The following TMEM132C variants were observed in gnomAD, a reference collection of about 807,000 sequenced individuals.
TMEM132C encodes the protein protein phosphatase 1, regulatory subunit 152.
In TMEM132C, 29 loss-of-function variants were observed where a neutral mutation model predicts 61.4. The ratio of observed to expected loss-of-function variants is 0.47; its 90% CI spans 0.35 to 0.64. The LOEUF is 0.64. Ranked by LOEUF, TMEM132C falls within the 30% of genes least tolerant of loss-of-function variation. TMEM132C has a pLI of 0.00. For missense variants in TMEM132C, 1,408 were observed against 1,476.9 expected, an observed-to-expected ratio of 0.95 and a Z score of 0.76; for synonymous variants, 656 against 633.1, an observed-to-expected ratio of 1.04 and a Z score of -0.54.
At chr12:128,604,944 AATAG>A (rs1436882342) in intron 3 of TMEM132C, among the ~76,000 whole-genome samples, 1 of 151,300 alleles carries the variant, frequency 6.6e-6, no homozygotes, top group East Asian at 1.9e-4. Flanking sequence ...ATAGATAATA[AATAG>A]ATGGATAGAT....
At chr12:128,317,808 C>G (rs931713402) in intron 1 of TMEM132C, among the ~76,000 whole-genome samples, 1 of 152,188 alleles carries the variant, frequency 6.6e-6, no homozygotes, top group East Asian at 1.9e-4. Context: ...CGGCTTGAAC[C>G]TGGGAGGCAG....
intron 1 of TMEM132C, among the ~76,000 whole-genome samples, chr12:128,290,125 A>G (rs1871205603): frequency 6.6e-6 from 1 of 152,190 alleles, no homozygotes; most frequent in Non-Finnish European, 1.5e-5. Context: ...ATTTCCTACC[A>G]TATAAAACCC....
intron 4 of TMEM132C, among the ~76,000 whole-genome samples, chr12:128,625,823 C>T (rs561856317): frequency 1.1e-4 from 17 of 152,286 alleles, no homozygotes; most frequent in African/African-American, 4.1e-4. Context: ...ACCTTATCAC[C>T]TCCCAAAGGC....
intron 5 of TMEM132C, among the ~76,000 whole-genome samples, chr12:128,687,762 C>A (rs897411421): frequency 6.6e-6 from 1 of 152,198 alleles, no homozygotes; most frequent in Non-Finnish European, 1.5e-5. Flanking sequence ...CATTTTCCAA[C>A]AATAGCCCTA....
intron 2 of TMEM132C, among the ~76,000 whole-genome samples, chr12:128,527,703 A>ATGTGTGTGTGTGTG (rs1186342541): frequency 2.3e-4 from 15 of 64,302 alleles, no homozygotes; most frequent in African/African-American, 9.8e-4. Flanking sequence ...GTGAATGTGC[A>ATGTGTGTGTGTGTG]TGTATGTGTG....
At chr12:128,578,416 C>A (rs1783267305) in intron 3 of TMEM132C, among the ~76,000 whole-genome samples, 1 of 152,174 alleles carries the variant, frequency 6.6e-6, no homozygotes, top group African/African-American at 2.4e-5. Flanking sequence ...CCCAGCTTTG[C>A]TTTTTCTGTT....
chr12:128,599,877 G>T (rs1428892273), intron 3 of TMEM132C, among the ~76,000 whole-genome samples: 1 of 152,208 alleles, frequency 6.6e-6, no homozygotes, highest in African/African-American at 2.4e-5. Context: ...TCATAGGAAG[G>T]ACCTGGTGGG....
At chr12:128,506,160 G>A (rs377418593) in intron 2 of TMEM132C, among the ~76,000 whole-genome samples, 133 of 152,226 alleles carry the variant, frequency 8.7e-4, no homozygotes, top group Middle Eastern at 3.4e-3. Context: ...ACCCATGGTC[G>A]GCAGCTAGCA....
intron 1 of TMEM132C, among the ~76,000 whole-genome samples, chr12:128,271,114 C>T (rs918212282): frequency 2.6e-5 from 4 of 151,768 alleles, no homozygotes; most frequent in Admixed American, 1.3e-4. Flanking sequence ...ATTAGCTGGG[C>T]GTGGTGGCGG....
chr12:128,314,316 T>C (rs1199425196), intron 1 of TMEM132C, among the ~76,000 whole-genome samples: 2 of 150,816 alleles, frequency 1.3e-5, no homozygotes, highest in Non-Finnish European at 1.5e-5. Context: ...CAATCTTTAA[T>C]TGGGGAAGGC....
intron 3 of TMEM132C, among the ~76,000 whole-genome samples, chr12:128,556,638 A>G (rs1469097465): frequency 6.6e-6 from 1 of 152,164 alleles, no homozygotes; most frequent in Non-Finnish European, 1.5e-5. Flanking sequence ...TGGTTGACTC[A>G]TAGTGCTGAG....
chr12:128,323,496 C>G (rs1872403111), intron 1 of TMEM132C, among the ~76,000 whole-genome samples: 3 of 152,234 alleles, frequency 2.0e-5, no homozygotes, highest in Admixed American at 6.5e-5. Flanking sequence ...GGGGGACCAG[C>G]TGTCCTTTAT....
chr12:128,648,860 G>C (rs1954238370), intron 4 of TMEM132C, among the ~76,000 whole-genome samples: 1 of 141,736 alleles, frequency 7.1e-6, no homozygotes, highest in Admixed American at 6.8e-5. Flanking sequence ...ATCAGCATTG[G>C]ATGAGTGTGT....
At chr12:128,333,243 G>A (rs1214650979) in intron 1 of TMEM132C, among the ~76,000 whole-genome samples, 2 of 151,122 alleles carry the variant, frequency 1.3e-5, no homozygotes, top group African/African-American at 4.9e-5. Context: ...ATGTGACTGT[G>A]ACCATATGCG....
chr12:128,584,132 G>A (rs1457069435), intron 3 of TMEM132C, among the ~76,000 whole-genome samples: 1 of 152,200 alleles, frequency 6.6e-6, no homozygotes, highest in African/African-American at 2.4e-5. Flanking sequence ...CTTCTTGCTG[G>A]CATTGGAGAT....
At chr12:128,660,455 A>C (rs955539288) in intron 4 of TMEM132C, among the ~76,000 whole-genome samples, 7 of 152,228 alleles carry the variant, frequency 4.6e-5, no homozygotes, top group Non-Finnish European at 2.9e-5. Flanking sequence ...GCGGCCAACT[A>C]GTTTAACCTG....
chr12:128,684,064 G>A (rs546702052), intron 5 of TMEM132C, among the ~76,000 whole-genome samples: 42 of 152,012 alleles, frequency 2.8e-4, no homozygotes, highest in Admixed American at 9.2e-4. Context: ...CCATATCTCC[G>A]GCCTAAACGT....
chr12:128,468,211 G>A (rs957994491), intron 2 of TMEM132C, among the ~76,000 whole-genome samples: 1 of 152,188 alleles, frequency 6.6e-6, no homozygotes, highest in Non-Finnish European at 1.5e-5. Flanking sequence ...GATGATGGGA[G>A]TTAGAAGCGT....
chr12:128,625,861 G>T (rs1475381887), intron 4 of TMEM132C, among the ~76,000 whole-genome samples: 2 of 152,146 alleles, frequency 1.3e-5, no homozygotes, highest in Non-Finnish European at 2.9e-5. Flanking sequence ...CACCTTGGGG[G>T]TTGGCATTTC....
Sources: allele counts gnomAD v4.1 joint callset (sites outside exome capture counted in the v4.1 genomes callset), GRCh38; gene constraint gnomAD v4.1.1; transcripts MANE v1.5; gene names NCBI Gene and HGNC (gene_info 2026-07-23, HGNC 2026-07-21).